The following P3H2 variants were observed in gnomAD, a reference collection of about 807,000 sequenced individuals.
P3H2 encodes prolyl 3-hydroxylase 2, also known as leprecan-like 1.
A neutral mutation model predicts 87.0 loss-of-function variants in P3H2; 80 were observed. The ratio of observed to expected loss-of-function variants is 0.92; its 90% CI spans 0.77 to 1.11. The LOEUF is 1.11. Ranked by LOEUF, P3H2 falls within the 50% of genes least tolerant of loss-of-function variation. The pLI is 0.00. For synonymous variants in P3H2, 367 were observed against 359.3 expected, an observed-to-expected ratio of 1.02 and a Z score of -0.24; for missense variants, 1,001 against 923.9, an observed-to-expected ratio of 1.08 and a Z score of -1.08.
At chr3:190,093,285 T>C (rs1306469563) in intron 1 of P3H2, among the ~76,000 whole-genome samples, 2 of 152,184 alleles carry the variant, frequency 1.3e-5, no homozygotes, top group Non-Finnish European at 2.9e-5. Context: ...GCTGTAAAGC[T>C]TGACAAGACA....
chr3:189,961,760 T>G (rs79592707), intron 14 of P3H2, among the ~76,000 whole-genome samples: 2,890 of 152,308 alleles, frequency 0.019, 38 homozygotes, highest in Non-Finnish European at 0.031. Flanking sequence ...CTGGAGAGGT[T>G]TTCTAGTACT....
At chr3:190,109,607 C>A (rs1711987354) in intron 1 of P3H2, among the ~76,000 whole-genome samples, 1 of 152,168 alleles carries the variant, frequency 6.6e-6, no homozygotes, top group African/African-American at 2.4e-5. Flanking sequence ...AGAAAACTAT[C>A]TGGTCTTTTC....
At chr3:190,001,089 C>T (rs1186903693) in intron 1 of P3H2, among the ~76,000 whole-genome samples, 2 of 152,188 alleles carry the variant, frequency 1.3e-5, no homozygotes, top group African/African-American at 2.4e-5. Context: ...AACAATGTTT[C>T]TCAATTCAGA....
intron 1 of P3H2, among the ~76,000 whole-genome samples, chr3:190,117,645 G>T (rs965209753): frequency 2.4e-5 from 3 of 125,786 alleles, no homozygotes; most frequent in African/African-American, 8.8e-5. Flanking sequence ...TATTTGAGAG[G>T]TTTTTTTTTT....
chr3:190,055,916 T>G (rs567536565), intron 1 of P3H2, among the ~76,000 whole-genome samples: 8 of 152,360 alleles, frequency 5.3e-5, no homozygotes, highest in Non-Finnish European at 8.8e-5. Flanking sequence ...TACTATGGAC[T>G]GTTCGTGTCC....
chr3:189,989,391 T>C (rs1056580081), intron 3 of P3H2, among the ~76,000 whole-genome samples: 2 of 152,120 alleles, frequency 1.3e-5, no homozygotes, highest in African/African-American at 4.8e-5. Flanking sequence ...CTTTGGGGTC[T>C]CTCTTTGGAT....
At chr3:190,096,725 T>C (rs1037309613) in intron 1 of P3H2, among the ~76,000 whole-genome samples, 1 of 152,162 alleles carries the variant, frequency 6.6e-6, no homozygotes, top group African/African-American at 2.4e-5. Flanking sequence ...ATGCCTATCA[T>C]AGGTCAATGA....
At chr3:189,960,322 T>C (rs1028338944) in intron 14 of P3H2, among the ~76,000 whole-genome samples, 1 of 152,196 alleles carries the variant, frequency 6.6e-6, no homozygotes, top group African/African-American at 2.4e-5. Flanking sequence ...ATTTTTTACT[T>C]TTTTGGGATC....
At chr3:190,023,105 T>A (rs553061934) in intron 1 of P3H2, among the ~76,000 whole-genome samples, 1 of 152,174 alleles carries the variant, frequency 6.6e-6, no homozygotes, top group East Asian at 1.9e-4. Flanking sequence ...GGATTACAGG[T>A]GTGAGCCACC....
In P3H2 at chr3:189,973,949, T is replaced by G. The variant is rs35072845; in HGVS notation, c.1508A>C (p.Asn503Thr). The change falls in exon 10 of 15, where the codon AAT becomes ACT. Residue 503 changes from asparagine to threonine, a missense_variant. By Grantham distance (65) the Asn-to-Thr change is moderately conservative. Transcript: ENST00000319332. ...GACAGTTGCACCTTCAAACTTTTCATTGGGTGTATGGGGTGAAGTTTTTCC... is the reference window on the plus strand; with the variant it reads ...GACAGTTGCACCTTCAAACTTTTCAGTGGGTGTATGGGGTGAAGTTTTTCC... Reference protein sequence around the residue: ...YRGKTSPHTPNEKFEGATVLK... With the variant: ...YRGKTSPHTPTEKFEGATVLK... 1.2e-6 allele frequency: 2 copies of G among 1,614,174 alleles called. No individual in the cohort carries two copies. The highest frequency in any genetic ancestry group is 1.1e-5 in the South Asian group (1 of 91,084).
rs552045836 is a variant in P3H2 at position 189,957,954 on chromosome 3, T to C, written c.2085A>G (p.Gln695=). Residue 695 remains glutamine (Q), a synonymous_variant, in exon 15 of 15, where the codon CAA becomes CAG. Transcript: ENST00000319332. ...EVIAILDQEQ[Q]GKHELNINPK... ...GGTTGATATTCAGTTCATGCTTCCC[T>C]TGCTGTTCTTGATCCAGAATTGCAA... The C allele has an allele frequency of 3.1e-6, 5 of 1,613,816 alleles. No homozygotes were observed. In the African/African-American group the frequency reaches 4.0e-5, roughly 13 times the overall value.
intron 8 of P3H2, among the ~76,000 whole-genome samples, chr3:189,976,856 G>A (rs1723364141): frequency 6.6e-6 from 1 of 152,046 alleles, no homozygotes; most frequent in Non-Finnish European, 1.5e-5. Flanking sequence ...CCTCGTTTCA[G>A]TATCACATCT....
intron 1 of P3H2, among the ~76,000 whole-genome samples, chr3:190,117,353 G>C (rs1712329984): frequency 6.6e-6 from 1 of 152,168 alleles, no homozygotes; most frequent in South Asian, 2.1e-4. Flanking sequence ...ATTTGGGGGA[G>C]CAGTAACATC....
chr3:190,038,395 C>CA (rs1261717277), intron 1 of P3H2, among the ~76,000 whole-genome samples: 1 of 150,966 alleles, frequency 6.6e-6, no homozygotes, highest in Non-Finnish European at 1.5e-5. Flanking sequence ...TTCCTCCAAA[C>CA]ACCAGATACA....
At chr3:190,100,400 GATTT>G (rs1211277274) in intron 1 of P3H2, among the ~76,000 whole-genome samples, 1 of 152,070 alleles carries the variant, frequency 6.6e-6, no homozygotes, top group East Asian at 1.9e-4. Flanking sequence ...AAGATACTAG[GATTT>G]ATTAAAATGA....
At chr3:190,026,427 A>G (rs529681141) in intron 1 of P3H2, among the ~76,000 whole-genome samples, 1 of 152,304 alleles carries the variant, frequency 6.6e-6, no homozygotes, top group South Asian at 2.1e-4. Context: ...AGCTTGCAGT[A>G]AAAACGCCAG....
chr3:190,065,906 C>T lies in P3H2; in HGVS notation c.480+54346G>A, dbSNP rs116865126. On this transcript the variant is annotated intron_variant, in intron 1 of 14. Transcript: ENST00000319332. ...CCAGAGATTTTCATAGCTTGTGTCA[C>T]TATTGTCGTTCAGGTAGAAGAATTT... Among the ~76,000 whole-genome samples, 1,595 of 152,138 alleles carry T rather than the reference C, an allele frequency of 0.01. 110 individuals carry two copies. In the East Asian group the frequency reaches 0.2, roughly 19 times the overall value.
intron 1 of P3H2, among the ~76,000 whole-genome samples, chr3:190,040,917 T>C (rs905533489): frequency 6.7e-6 from 1 of 149,900 alleles, no homozygotes; most frequent in African/African-American, 2.4e-5. Flanking sequence ...GGTATGGTGG[T>C]GCACACCTGT....
At chr3:190,070,599 A>C (rs572470613) in intron 1 of P3H2, among the ~76,000 whole-genome samples, 2 of 152,192 alleles carry the variant, frequency 1.3e-5, no homozygotes, top group African/African-American at 4.8e-5. Context: ...AGTTCCATCA[A>C]AGAGGCAACG....
Sources: gnomAD v4.1 joint callset for allele counts (sites outside exome capture counted in the v4.1 genomes callset) on GRCh38, gnomAD v4.1.1 for gene constraint, MANE v1.5 for transcripts, NCBI Gene and HGNC (gene_info 2026-07-23, HGNC 2026-07-21) for gene names.